ZNF740: variants seen among roughly 807,000 people sequenced by gnomAD.
The protein encoded by ZNF740 is oriLyt TD-element-binding protein 7.
ZNF740 carries 14 observed loss-of-function variants against 24.8 expected under a neutral mutation model. The ratio of observed to expected loss-of-function variants is 0.56; its 90% CI spans 0.37 to 0.88. The LOEUF (loss-of-function observed/expected upper bound fraction) is 0.88. Among genes scored for constraint, ZNF740 ranks in the 40% least tolerant of loss-of-function variants. The probability of loss-of-function intolerance (pLI) is 0.00; values close to 1 mark genes in which losing one functional copy is unlikely to be tolerated. For missense variants in ZNF740, 201 were observed against 247.9 expected (o/e 0.81, Z 1.27); for synonymous variants, 69 against 84.0 (o/e 0.82, Z 0.98).
intron 2 of ZNF740, among the ~76,000 whole-genome samples, chr12:53,183,240 A>T (rs1941731593): frequency 6.6e-6 from 1 of 152,252 alleles, no homozygotes; most frequent in African/African-American, 2.4e-5. Flanking sequence ...TTTACGTCTT[A>T]GTTTACTTTT....
At position 53,181,386 on chromosome 12, in the gene ZNF740, C is replaced by A. The variant is rs191858973; in HGVS notation, c.-307-291C>A. On this transcript the variant is annotated intron_variant, in intron 1 of 6. Transcript: ENST00000416904. Reference sequence around the variant, plus strand: ...GGGCCGGCCCACTGGGCACAAAAGCCCCAAAGGGTCTCCGCCCCCTTCTTC... The same window carrying A: ...GGGCCGGCCCACTGGGCACAAAAGCACCAAAGGGTCTCCGCCCCCTTCTTC... 10 of 985,466 alleles carry A rather than the reference C, an allele frequency of 1.0e-5. No homozygotes were observed. In the Admixed American group the frequency reaches 5.5e-4, roughly 54 times the overall value. 61.0% of individuals were successfully genotyped at this position (985,466 alleles called of 1,614,324 possible).
At chr12:53,185,829 C>T (rs1423773429) in intron 4 of ZNF740, 125 bp from the exon 5 acceptor site, 1 of 1,310,778 alleles carries the variant, frequency 7.6e-7, no homozygotes, top group Non-Finnish European at 1.0e-6. Flanking sequence ...CAGGAGATGG[C>T]AGCACCTTTA....
Position 53,181,948 on chromosome 12 carries a change from C to T in ZNF740, c.-36C>T, listed in dbSNP as rs1245904017. The T allele has an allele frequency of 7.5e-6, 12 of 1,602,172 alleles. No homozygotes were observed. The highest frequency in any genetic ancestry group is 1.3e-5 in the African/African-American group (1 of 74,924). On this transcript the variant is annotated 5_prime_UTR_variant, in exon 2 of 7. Coordinates refer to ENST00000416904, the MANE Select transcript of ZNF740 (RefSeq NM_001004304.4). The stretch of plus-strand genomic sequence containing the variant: ...TCAAGGAAAGGTGGACCTAGGAACT[C>T]CTGAACTTTTGGGTTGCCTTAAGTG...
rs1348000606 is a variant in ZNF740, at chr12:53,186,495, G to A, written c.478G>A (p.Glu160Lys). 6.4e-7 allele frequency: 1 copy of A among 1,573,020 alleles called. No homozygotes were observed. The highest frequency in any genetic ancestry group is 1.2e-5 in the South Asian group (1 of 85,422). Residue 160 changes from glutamate (E) to lysine (K), a missense_variant, in exon 6 of 7, where the codon GAA becomes AAA. Physicochemically the swap from Glu to Lys is moderately conservative, Grantham distance 56. This residue lies in a region of ZNF740 where 60 missense variants were observed against 107.8 expected (regional missense o/e 0.56). Coordinates refer to ENST00000416904, the MANE Select transcript of ZNF740 (RefSeq NM_001004304.4). ...CAGTGGTGAAAAGCCTTACCAGTGT[G>A]AACGGTGTCATCAGGTAAGGCTCAT... is the stretch of plus-strand genomic sequence containing the variant. ...VHSGEKPYQC[E>K]RCHQCFSRTD...
intron 3 of ZNF740, 128 bp from the exon 4 acceptor site, chr12:53,185,259 G>C: frequency 8.5e-7 from 1 of 1,178,350 alleles, no homozygotes; most frequent in Non-Finnish European, 1.2e-6. Flanking sequence ...GGAAATAGTT[G>C]TATACTTCCT....
Position 53,191,574 on chromosome 12 carries a change from T to C in ZNF740, c.*3984T>C. ...CCCTCCTTCAGAGAGTGGGACTGTCTGCCTCTTGAAAGCGAGGATTGATGG... is the reference window on the plus strand; with the variant it reads ...CCCTCCTTCAGAGAGTGGGACTGTCCGCCTCTTGAAAGCGAGGATTGATGG... On this transcript the variant is annotated 3_prime_UTR_variant, in exon 7 of 7. Transcript: ENST00000416904. The C allele has an allele frequency of 6.2e-7, 1 of 1,612,846 alleles. No individual in the cohort carries two copies. Among genetic ancestry groups the C allele is most frequent in the African/African-American group, 1.3e-5 (1 of 75,012 alleles).
At position 53,191,832 on chromosome 12, in the gene ZNF740, A is replaced by G; in HGVS notation, c.*4242A>G. 6.2e-7 allele frequency: 1 copy of G among 1,612,300 alleles called. No homozygotes were observed. Among genetic ancestry groups the G allele is most frequent in the Non-Finnish European group, 8.5e-7 (1 of 1,179,286 alleles). ...TCTTGTGGTGGGGGAACAGCTAAAA[A>G]GGGGCCTAACCAGGAAGTCTCCTCA... On this transcript the variant is annotated 3_prime_UTR_variant, in exon 7 of 7. Coordinates refer to ENST00000416904, the MANE Select transcript of ZNF740 (RefSeq NM_001004304.4).
Position 53,187,688 on chromosome 12 carries a change from G to A in ZNF740, c.*98G>A. 2 of 974,164 alleles carry A rather than the reference G, an allele frequency of 2.1e-6. No individual in the cohort carries two copies. The highest frequency in any genetic ancestry group is 1.4e-5 in the South Asian group (1 of 72,744). The allele number at this position is 974,164 out of a possible 1,614,324, so 60.3% of individuals were successfully genotyped here. On this transcript the variant is annotated 3_prime_UTR_variant, in exon 7 of 7. Transcript: ENST00000416904. Reference sequence around the variant, plus strand: ...TCCCACCACCGCCCCATGTGAACCTGTCCCACTCCTGGAGGAGTGGACCCA... The same window carrying A: ...TCCCACCACCGCCCCATGTGAACCTATCCCACTCCTGGAGGAGTGGACCCA...
intron 4 of ZNF740, 35 bp from the exon 5 acceptor site, chr12:53,185,919 G>C (rs1234996331): frequency 1.2e-6 from 2 of 1,610,192 alleles, no homozygotes; most frequent in African/African-American, 2.7e-5. Context: ...AGAGGGCAGT[G>C]GTGGCCTCAT....
In ZNF740 at chr12:53,192,838, C is replaced by T. The variant is rs1942009554; in HGVS notation, c.*5248C>T. The T allele has an allele frequency of 1.2e-6, 2 of 1,614,108 alleles. No homozygotes were observed. Among genetic ancestry groups the T allele is most frequent in the South Asian group, 2.2e-5 (2 of 91,090 alleles). ...GGGACTGATGCAACTGTCCATGTCCCCACTGCATTCGCATGCTCTGCCCGT... is the reference window on the plus strand; with the variant it reads ...GGGACTGATGCAACTGTCCATGTCCTCACTGCATTCGCATGCTCTGCCCGT... On this transcript the variant is annotated 3_prime_UTR_variant, in exon 7 of 7. Coordinates refer to ENST00000416904, the MANE Select transcript of ZNF740 (RefSeq NM_001004304.4).
At position 53,194,087 on chromosome 12, in the gene ZNF740, C is replaced by T; in HGVS notation, c.*6497C>T. 2 of 1,491,550 alleles carry T rather than the reference C, an allele frequency of 1.3e-6. No homozygotes were observed. Among genetic ancestry groups the T allele is most frequent in the Non-Finnish European group, 1.8e-6 (2 of 1,083,924 alleles). 92.4% of individuals were successfully genotyped at this position (1,491,550 alleles called of 1,614,324 possible). The stretch of plus-strand genomic sequence containing the variant: ...CCAGGAAGGATGGATGGAGGACTAC[C>T]TCAGGCTCTCATGTCACTCCCTGTA... On this transcript the variant is annotated 3_prime_UTR_variant, in exon 7 of 7. Transcript: ENST00000416904.
rs1245105888 is a variant in ZNF740, at chr12:53,188,901, T to A, written c.*1311T>A. 6 of 152,196 alleles carry A rather than the reference T, an allele frequency of 3.9e-5. No individual in the cohort carries two copies. The highest frequency in any genetic ancestry group is 1.4e-4 in the African/African-American group (6 of 41,434). 9.4% of individuals were successfully genotyped at this position (152,196 alleles called of 1,614,324 possible). ...AAAAGTAATCGGGTGTGTGTGTGTG[T>A]GTGAGAGAGAGTGTGTGTGAGATAT... On this transcript the variant is annotated 3_prime_UTR_variant, in exon 7 of 7. Transcript: ENST00000416904.
At chr12:53,186,538 A>C (rs1429582740) in intron 6 of ZNF740, 29 bp downstream of exon 6, 7 of 1,514,658 alleles carry the variant, frequency 4.6e-6, no homozygotes, top group African/African-American at 4.1e-5. Flanking sequence ...ACAATACCCC[A>C]CACACACTTT....
At position 53,194,919 on chromosome 12, in the gene ZNF740, G is replaced by A. The variant is rs1942104955; in HGVS notation, c.*7329G>A. 1 of 184,768 alleles carries A rather than the reference G, an allele frequency of 5.4e-6. No individual in the cohort carries two copies. The highest frequency in any genetic ancestry group is 5.3e-5 in the Admixed American group (1 of 18,856). The allele number at this position is 184,768 out of a possible 1,614,324, so 11.4% of individuals were successfully genotyped here. A position where few individuals can be genotyped will look rare whatever the true frequency, so the allele number is the denominator to read the frequency against. ...GAAAGCAGGCTCCAGATCTCACATT[G>A]TTTATGTACAGACTGACTGGGGACA... On this transcript the variant is annotated 3_prime_UTR_variant, in exon 7 of 7. Transcript: ENST00000416904.
In ZNF740 at chr12:53,191,059, C is replaced by T. The variant is rs368058436; in HGVS notation, c.*3469C>T. On this transcript the variant is annotated 3_prime_UTR_variant, in exon 7 of 7. Transcript: ENST00000416904. Reference sequence around the variant, plus strand: ...AGACGAAAAAGCACACGCAGCAGGACGGAAGGAGGCTAGACACCAACAGAT... The same window carrying T: ...AGACGAAAAAGCACACGCAGCAGGATGGAAGGAGGCTAGACACCAACAGAT... The T allele has an allele frequency of 1.3e-3, 242 of 189,222 alleles. No homozygotes were observed. The highest frequency in any genetic ancestry group is 5.4e-3 in the African/African-American group (231 of 43,160). The allele number at this position is 189,222 out of a possible 1,614,324, so 11.7% of individuals were successfully genotyped here.
rs748786470 is a variant in ZNF740 at position 53,194,392 on chromosome 12, T to TC, written c.*6804dup. Reference sequence around the variant, plus strand: ...TAACCACGTGAAGGCAGAAAAGGACTCCAACCCCACCTTATGTCCTCTCCA... The same window carrying TC: ...TAACCACGTGAAGGCAGAAAAGGACTCCCAACCCCACCTTATGTCCTCTCCA... On this transcript the variant is annotated 3_prime_UTR_variant, in exon 7 of 7. Transcript: ENST00000416904. 6.3e-7 allele frequency: 1 copy of TC among 1,593,448 alleles called. No individual in the cohort carries two copies. Among genetic ancestry groups the TC allele is most frequent in the Non-Finnish European group, 8.6e-7 (1 of 1,165,508 alleles).
rs769728483 is a variant in ZNF740 at position 53,194,322 on chromosome 12, A to G, written c.*6732A>G. ...CCCAGGAGGGAGTGAAGAGTGTTCA[A>G]GGGTCACGGTGGAAGACAGGCTCTA... On this transcript the variant is annotated 3_prime_UTR_variant, in exon 7 of 7. Coordinates refer to ENST00000416904, the MANE Select transcript of ZNF740 (RefSeq NM_001004304.4). 1 of 1,613,980 alleles carries G rather than the reference A, an allele frequency of 6.2e-7. No individual in the cohort carries two copies. The highest frequency in any genetic ancestry group is 8.5e-7 in the Non-Finnish European group (1 of 1,179,966).
At position 53,192,739 on chromosome 12, in the gene ZNF740, G is replaced by A. The variant is rs376379298; in HGVS notation, c.*5149G>A. 99 of 1,614,120 alleles carry A rather than the reference G, an allele frequency of 6.1e-5. No homozygotes were observed. The highest frequency in any genetic ancestry group is 8.3e-5 in the Admixed American group (5 of 60,010). On this transcript the variant is annotated 3_prime_UTR_variant, in exon 7 of 7. Coordinates refer to ENST00000416904, the MANE Select transcript of ZNF740 (RefSeq NM_001004304.4). ...GCAGCCTGGGCATTGGTCGCATAGAGCACCATAGTAGCCGTCCAAGCACTG... is the reference window on the plus strand; with the variant it reads ...GCAGCCTGGGCATTGGTCGCATAGAACACCATAGTAGCCGTCCAAGCACTG...
chr12:53,193,462 T>TG lies in ZNF740; in HGVS notation c.*5874dup. On this transcript the variant is annotated 3_prime_UTR_variant, in exon 7 of 7. Coordinates refer to ENST00000416904, the MANE Select transcript of ZNF740 (RefSeq NM_001004304.4). ...TCTAAACCCAAGTTCTCAAAAGAGT[T>TG]GGAGACAGACAAACAGCTGAAAGGA... 1 of 905,058 alleles carries TG rather than the reference T, an allele frequency of 1.1e-6. No homozygotes were observed. The highest frequency in any genetic ancestry group is 1.6e-6 in the Non-Finnish European group (1 of 608,224). 56.1% of individuals were successfully genotyped at this position (905,058 alleles called of 1,614,324 possible).
Sources: gnomAD v4.1 joint callset for allele counts (sites outside exome capture counted in the v4.1 genomes callset) on GRCh38, gnomAD v4.1.1 for gene constraint, gnomAD v4.1.1 regional missense constraint, MANE v1.5 for transcripts, NCBI Gene and HGNC (gene_info 2026-07-23, HGNC 2026-07-21) for gene names.